The following IGSF11 variants were observed in gnomAD, a reference collection of about 807,000 sequenced individuals.
The protein encoded by IGSF11 is immunoglobulin superfamily member 11, also known as CXADR like 1.
A neutral mutation model predicts 41.0 loss-of-function variants in IGSF11; 22 were observed. The observed-to-expected ratio is 0.54, with a 90% CI of 0.38 to 0.77. The LOEUF is 0.77. Among genes scored for constraint, IGSF11 ranks in the 30% least tolerant of loss-of-function variants. The pLI is 0.00. For synonymous variants in IGSF11, 219 were observed against 201.3 expected, an observed-to-expected ratio of 1.09 and a Z score of -0.74; for missense variants, 444 against 530.8, an observed-to-expected ratio of 0.84 and a Z score of 1.61.
chr3:119,004,130 A>G (rs1195768247), intron 1 of IGSF11, among the ~76,000 whole-genome samples: 1 of 148,922 alleles, frequency 6.7e-6, no homozygotes, highest in Non-Finnish European at 1.5e-5. Context: ...GATTATTGCC[A>G]CAATTTCAGC....
At chr3:119,005,467 A>G (rs1333635219) in intron 1 of IGSF11, among the ~76,000 whole-genome samples, 54 of 150,228 alleles carry the variant, frequency 3.6e-4, no homozygotes, top group Non-Finnish European at 6.0e-4. Context: ...ATTTACATTT[A>G]AAGTTAATAG....
intron 1 of IGSF11, among the ~76,000 whole-genome samples, chr3:119,126,610 G>A (rs556433411): frequency 3.9e-5 from 6 of 152,276 alleles, no homozygotes; most frequent in East Asian, 3.9e-4. Flanking sequence ...ATATAGGAAC[G>A]ATCCTACTGG....
chr3:119,115,088 T>C (rs956967159), intron 1 of IGSF11, among the ~76,000 whole-genome samples: 7 of 152,138 alleles, frequency 4.6e-5, no homozygotes, highest in Non-Finnish European at 1.0e-4. Context: ...CAACACCAGG[T>C]CCCTCCTTGA....
upstream of IGSF11, among the ~76,000 whole-genome samples, chr3:119,036,410 A>G (rs553451328): frequency 6.6e-6 from 1 of 152,300 alleles, no homozygotes; most frequent in Admixed American, 6.5e-5. Flanking sequence ...ATATTCCTGC[A>G]GTCTAATCCA....
At chr3:119,058,287 A>G (rs959926185) in intron 1 of IGSF11, among the ~76,000 whole-genome samples, 5 of 152,178 alleles carry the variant, frequency 3.3e-5, no homozygotes, top group African/African-American at 1.2e-4. Flanking sequence ...GAAAAAAACA[A>G]ACAACCCCAT....
chr3:119,028,703 G>GAA (rs67132733), intron 1 of IGSF11, among the ~76,000 whole-genome samples: 70 of 150,964 alleles, frequency 4.6e-4, no homozygotes, highest in Middle Eastern at 3.4e-3. Context: ...TATAAAATTT[G>GAA]AAAAAAAAAC....
chr3:118,982,762 T>TATA (rs752839088), intron 1 of IGSF11, among the ~76,000 whole-genome samples: 1 of 152,218 alleles, frequency 6.6e-6, no homozygotes, highest in Admixed American at 6.5e-5. Context: ...TTGTTTCATT[T>TATA]AGTATTCATC....
chr3:119,036,945 A>G (rs1940937319), upstream of IGSF11, among the ~76,000 whole-genome samples: 1 of 152,202 alleles, frequency 6.6e-6, no homozygotes, highest in Admixed American at 6.5e-5. Flanking sequence ...TCAGGAGGCA[A>G]TCCAGCTGCT....
chr3:119,064,511 C>T (rs1269737705), intron 1 of IGSF11, among the ~76,000 whole-genome samples: 65 of 101,308 alleles, frequency 6.4e-4, no homozygotes, highest in South Asian at 3.3e-3. Flanking sequence ...CTTGGCTGCT[C>T]TTTTTTTTTT....
chr3:119,140,401 T>G (rs2077627721), intron 1 of IGSF11, among the ~76,000 whole-genome samples: 1 of 152,094 alleles, frequency 6.6e-6, no homozygotes, highest in Admixed American at 6.5e-5. Context: ...GATAAGAAGG[T>G]CAATCTATCA....
At chr3:118,974,916 C>CA (rs35575167) in intron 1 of IGSF11, among the ~76,000 whole-genome samples, 8,375 of 144,762 alleles carry the variant, frequency 0.058, 733 homozygotes, top group African/African-American at 0.19. Flanking sequence ...TAACAGATAA[C>CA]AAAAAAAAAA....
intron 1 of IGSF11, among the ~76,000 whole-genome samples, chr3:119,019,380 C>G (rs1178687090): frequency 6.7e-6 from 1 of 148,590 alleles, no homozygotes; most frequent in African/African-American, 2.5e-5. Context: ...ACCCCCAACT[C>G]ACTCCCATAC....
chr3:119,023,026 T>C (rs1054950891), intron 1 of IGSF11, among the ~76,000 whole-genome samples: 7 of 151,314 alleles, frequency 4.6e-5, no homozygotes, highest in Admixed American at 6.6e-5. Flanking sequence ...CTTTGGGAGG[T>C]TGAGGCAGGA....
chr3:119,124,702 T>C (rs1416983253), intron 1 of IGSF11, among the ~76,000 whole-genome samples: 1 of 151,360 alleles, frequency 6.6e-6, no homozygotes, highest in Non-Finnish European at 1.5e-5. Context: ...AATCTAAGAG[T>C]TATTGGCGTT....
At chr3:119,020,573 T>C (rs1241902820) in intron 1 of IGSF11, among the ~76,000 whole-genome samples, 1 of 152,254 alleles carries the variant, frequency 6.6e-6, no homozygotes, top group Non-Finnish European at 1.5e-5. Flanking sequence ...CATGTTAGTT[T>C]AGTCTAAACT....
intron 1 of IGSF11, among the ~76,000 whole-genome samples, chr3:119,003,618 T>A (rs900298594): frequency 6.6e-6 from 1 of 151,666 alleles, no homozygotes; most frequent in Non-Finnish European, 1.5e-5. Context: ...ATAGCTCTTA[T>A]TATTTTGAAA....
At position 119,099,921 on chromosome 3, in the gene IGSF11, A is replaced by G. The variant is rs566060201; in HGVS notation, c.49+5223T>C. ...ACCCAATGTACACTGTACTTTCTCA[A>G]TCTGATAACTGAGACAATTACTAAG... On this transcript the variant is annotated intron_variant, in intron 1 of 6. Transcript: ENST00000354673. Among the ~76,000 whole-genome samples, 5 of 152,282 alleles carry G rather than the reference A, an allele frequency of 3.3e-5. No homozygotes were observed. In the South Asian group the frequency reaches 1.0e-3, roughly 32 times the overall value.
chr3:119,045,090 C>T (rs1441231407), intron 1 of IGSF11, among the ~76,000 whole-genome samples: 2 of 152,216 alleles, frequency 1.3e-5, no homozygotes. Flanking sequence ...AAATGCTCCA[C>T]TTAAAAAATA....
In IGSF11 at chr3:119,059,444, A is replaced by G. The variant is rs527966734; in HGVS notation, c.49+45700T>C. Among the ~76,000 whole-genome samples the G allele has an allele frequency of 2.5e-4, 38 of 152,314 alleles. No homozygotes were observed. The South Asian group carries it at 7.9e-3, about 32-fold the overall frequency. ...GAGGGTGGTGATTACAAAAAAGTAC[A>G]CATTGGGTTCAGTGTACACTGCTCG... is the stretch of plus-strand genomic sequence containing the variant. On this transcript the variant is annotated intron_variant, in intron 1 of 6. Transcript: ENST00000354673.
Sources: allele counts gnomAD v4.1 joint callset (sites outside exome capture counted in the v4.1 genomes callset), GRCh38; gene constraint gnomAD v4.1.1; transcripts MANE v1.5; gene names NCBI Gene and HGNC (gene_info 2026-07-23, HGNC 2026-07-21).